The following HDLBP variants were observed in gnomAD, a reference collection of about 807,000 sequenced individuals.
The protein encoded by HDLBP is vigilin.
Under a neutral mutation model 137.3 loss-of-function variants are expected in HDLBP, and 30 were observed. That is an observed-to-expected ratio of 0.22 (90% CI 0.16 to 0.30). HDLBP has a LOEUF of 0.30. Ranked by LOEUF, HDLBP falls within the 10% of genes least tolerant of loss-of-function variation. The probability of loss-of-function intolerance (pLI) is 1.00; values close to 1 mark genes in which losing one functional copy is unlikely to be tolerated. For missense variants in HDLBP, 1,119 were observed against 1,667.3 expected (o/e 0.67, Z 5.73); for synonymous variants, 606 against 596.0 (o/e 1.02, Z -0.24).
intron 4 of HDLBP, 51 bp downstream of exon 4, chr2:241,264,397 C>T (rs773863925): frequency 8.1e-7 from 1 of 1,231,476 alleles, no homozygotes; most frequent in South Asian, 1.4e-5. Flanking sequence ...TAAAAATTTA[C>T]ATAGACATGT....
chr2:241,311,247 G>C (rs2075749043), intron 1 of HDLBP, among the ~76,000 whole-genome samples: 1 of 152,198 alleles, frequency 6.6e-6, no homozygotes, highest in Admixed American at 6.5e-5. Flanking sequence ...AACGGCTTAA[G>C]ACTTCAACAA....
chr2:241,269,630 G>C (rs958832255), intron 1 of HDLBP: 14 of 152,362 alleles, frequency 9.2e-5, no homozygotes, highest in African/African-American at 3.4e-4. Flanking sequence ...CAAGACTGAA[G>C]GGGAAAGCTG....
At position 241,236,560 on chromosome 2, in the gene HDLBP, G is replaced by C. The variant is rs907554775; in HGVS notation, c.2904+55C>G. Reference sequence around the variant, plus strand: ...CCCATCCAGGCCACGCGTCTCCCCAGGTGCCTGCTGACTGGGCCTTGGCGG... The same window carrying C: ...CCCATCCAGGCCACGCGTCTCCCCACGTGCCTGCTGACTGGGCCTTGGCGG... On this transcript the variant is annotated intron_variant, in intron 21 of 27. Transcript: ENST00000310931. The C allele has an allele frequency of 8.2e-6, 13 of 1,585,762 alleles. No individual in the cohort carries two copies. The East Asian group carries it at 1.1e-4, about 14-fold the overall frequency.
At chr2:241,256,515 T>A in intron 6 of HDLBP, 85 bp downstream of exon 6, 4 of 1,525,538 alleles carry the variant, frequency 2.6e-6, no homozygotes, top group Non-Finnish European at 3.6e-6. Flanking sequence ...TGCCTTGAAG[T>A]CCACACTGGA....
intron 1 of HDLBP, among the ~76,000 whole-genome samples, chr2:241,277,453 ATAAG>A (rs1397041572): frequency 5.3e-5 from 8 of 152,234 alleles, no homozygotes; most frequent in African/African-American, 1.9e-4. Flanking sequence ...AAAGGACAGT[ATAAG>A]TAGGCAATAT....
chr2:241,233,872 C>A lies in HDLBP; in HGVS notation c.3236G>T (p.Arg1079Leu). 6.2e-7 allele frequency: 1 copy of A among 1,614,148 alleles called. No individual in the cohort carries two copies. Among genetic ancestry groups the A allele is most frequent in the Non-Finnish European group, 8.5e-7 (1 of 1,180,018 alleles). The change falls in exon 24 of 28, where the codon CGG becomes CTG. Residue 1079 changes from arginine (R) to leucine (L), a missense_variant. Around this residue, in one of 4 missense-constraint regions of HDLBP, gnomAD observed 618 missense variants for 816.7 expected, o/e 0.76. Transcript: ENST00000310931. This position sits in a 1 kb window ranked among gnomAD's most constrained non-coding sequence, Gnocchi z 4.3. ...GRKGAVITQIRLEHDVNIQFP... is the reference protein window; with the variant it reads ...GRKGAVITQILLEHDVNIQFP... ...CTGGATGTTCACGTCATGCTCCAAC[C>A]GGATTTGGGTAATTACTGCCCCCTT... is the stretch of plus-strand genomic sequence containing the variant.
intron 1 of HDLBP, among the ~76,000 whole-genome samples, chr2:241,301,384 T>C (rs746112884): frequency 4.4e-4 from 67 of 152,292 alleles, no homozygotes; most frequent in South Asian, 8.3e-4. Flanking sequence ...AGTAATATCA[T>C]TTGAAACAGT....
chr2:241,246,965 AG>A (rs2071729607), intron 15 of HDLBP, 82 bp from the exon 16 acceptor site: 1 of 1,582,460 alleles, frequency 6.3e-7, no homozygotes, highest in Non-Finnish European at 8.7e-7. Flanking sequence ...GCTAGAAGTA[AG>A]GAAGAGTCCC....
intron 1 of HDLBP, among the ~76,000 whole-genome samples, chr2:241,295,850 C>G (rs1482928554): frequency 6.6e-6 from 1 of 152,122 alleles, no homozygotes; most frequent in African/African-American, 2.4e-5. Flanking sequence ...GGGGCAGGAG[C>G]TGGAAGACGA....
At chr2:241,289,555 T>A (rs1478906584) in intron 1 of HDLBP, among the ~76,000 whole-genome samples, 1 of 152,146 alleles carries the variant, frequency 6.6e-6, no homozygotes, top group Non-Finnish European at 1.5e-5. Flanking sequence ...AAAACTGACA[T>A]ACATCCAGGG....
intron 1 of HDLBP, among the ~76,000 whole-genome samples, chr2:241,295,185 T>G (rs955245419): frequency 6.6e-6 from 1 of 152,226 alleles, no homozygotes; most frequent in Admixed American, 6.5e-5. Flanking sequence ...AAATTCAGCA[T>G]GTATTATTTA....
Position 241,236,715 on chromosome 2 carries a change from C to T in HDLBP, c.2804G>A (p.Arg935Lys), listed in dbSNP as rs2070517310. 6.2e-7 allele frequency: 1 copy of T among 1,614,022 alleles called. No individual in the cohort carries two copies. Among genetic ancestry groups the T allele is most frequent in the African/African-American group, 1.3e-5 (1 of 74,932 alleles). The change falls in exon 21 of 28, where the codon AGA becomes AAA. Residue 935 changes from arginine (R) to lysine (K), a missense_variant. Arg to Lys is a conservative substitution (Grantham distance 26). Around this residue, in one of 4 missense-constraint regions of HDLBP, gnomAD observed 618 missense variants for 816.7 expected, o/e 0.76. Coordinates refer to ENST00000310931, the MANE Select transcript of HDLBP (RefSeq NM_005336.6). Reference sequence around the variant, plus strand: ...GCCGGGGTCACAATCTTTAGCCTCTCTCCCCTCCCCAGCTTCGTCCCCATT... The same window carrying T: ...GCCGGGGTCACAATCTTTAGCCTCTTTCCCCTCCCCAGCTTCGTCCCCATT... ...QENGDEAGEG[R>K]EAKDCDPGSP...
In HDLBP at chr2:241,240,008, T is replaced by A. The variant is rs751738727; in HGVS notation, c.2284A>T (p.Ile762Phe). 1.2e-6 allele frequency: 2 copies of A among 1,614,220 alleles called. No homozygotes were observed. Among genetic ancestry groups the A allele is most frequent in the Non-Finnish European group, 1.7e-6 (2 of 1,180,032 alleles). ...TCCTTGTCCTCAGCCGCAGGGAAGATGACACGTGCTCCAGTGCTGTCGCGC... is the reference window on the plus strand; with the variant it reads ...TCCTTGTCCTCAGCCGCAGGGAAGAAGACACGTGCTCCAGTGCTGTCGCGC... ...KVRDSTGARV[I>F]FPAAEDKDQD... Residue 762 changes from isoleucine to phenylalanine, a missense_variant, in exon 18 of 28, where the codon ATC becomes TTC. Transcript: ENST00000310931. The surrounding 1 kb of genome is among the most constrained non-coding windows in gnomAD (Gnocchi z 5.5).
chr2:241,241,460 G>A (rs201075997), intron 17 of HDLBP, among the ~76,000 whole-genome samples: 4 of 150,622 alleles, frequency 2.7e-5, no homozygotes, highest in East Asian at 2.0e-4. Flanking sequence ...CCAGCTACTC[G>A]GGAGGCTGAG....
Position 241,239,975 on chromosome 2 carries a change from G to C in HDLBP, c.2317C>G (p.Leu773Val), listed in dbSNP as rs2071041606. ...FPAAEDKDQD[L>V]ITIIGKEDAV... The stretch of plus-strand genomic sequence containing the variant: ...TCCTCCTTTCCAATGATGGTGATCA[G>C]GTCCTGGTCCTTGTCCTCAGCCGCA... Residue 773 changes from leucine to valine, a missense_variant, in exon 18 of 28, where the codon CTG (leucine) becomes GTG (valine). Physicochemically the swap from Leu to Val is conservative, Grantham distance 32. Coordinates refer to ENST00000310931, the MANE Select transcript of HDLBP (RefSeq NM_005336.6). The surrounding 1 kb of genome is among the most constrained non-coding windows in gnomAD (Gnocchi z 4.6). The C allele has an allele frequency of 1.2e-6, 2 of 1,614,094 alleles. No homozygotes were observed. Among genetic ancestry groups the C allele is most frequent in the East Asian group, 2.2e-5 (1 of 44,884 alleles).
At position 241,241,436 on chromosome 2, in the gene HDLBP, G is replaced by C. The variant is rs570306221; in HGVS notation, c.2169+1024C>G. Among the ~76,000 whole-genome samples the C allele has an allele frequency of 1.1e-4, 17 of 151,756 alleles. No homozygotes were observed. In the East Asian group the frequency reaches 1.5e-3, roughly 14 times the overall value. On this transcript the variant is annotated intron_variant, in intron 17 of 27. Transcript: ENST00000310931. ...CAAAAAATTAGCTGGGTGAGGTGTC[G>C]GGCGCCTGTGGTCCCAGCTACTCGG...
intron 2 of HDLBP, chr2:241,267,937 G>A: frequency 1.0e-6 from 1 of 985,346 alleles, no homozygotes; most frequent in Non-Finnish European, 1.2e-6. Context: ...TCCCTTATGT[G>A]AAAAATGGGG....
chr2:241,242,382 T>C, intron 17 of HDLBP, 78 bp downstream of exon 17: 1 of 1,229,632 alleles, frequency 8.1e-7, no homozygotes, highest in South Asian at 1.3e-5. Flanking sequence ...CATTCAGGGG[T>C]TTCCACAGTG....
chr2:241,255,418 C>T lies in HDLBP; in HGVS notation c.1036G>A (p.Glu346Lys), dbSNP rs753729962. The T allele has an allele frequency of 4.3e-6, 7 of 1,614,076 alleles. No individual in the cohort carries two copies. Among genetic ancestry groups the T allele is most frequent in the South Asian group, 1.1e-5 (1 of 91,088 alleles). The change falls in exon 8 of 28, where the codon GAA becomes AAA. Residue 346 changes from glutamate to lysine, a missense_variant. By Grantham distance (56) the Glu-to-Lys change is moderately conservative. Transcript: ENST00000310931. ...AACGCCTGACCTAACTTTTCAGGTT[C>T]GCCTCGAAGTATTACAGTCTCAGAG... ...SISETVILRG[E>K]PEKLGQALTE...
Sources: gnomAD v4.1 joint callset for allele counts (sites outside exome capture counted in the v4.1 genomes callset) on GRCh38, gnomAD v4.1.1 for gene constraint, gnomAD v4.1.1 regional missense constraint, Gnocchi (gnomAD v3.1) non-coding constraint, MANE v1.5 for transcripts, NCBI Gene and HGNC (gene_info 2026-07-23, HGNC 2026-07-21) for gene names.